SLC30A8: variants seen among roughly 807,000 people sequenced by gnomAD.
The protein encoded by SLC30A8 is proton-coupled zinc antiporter SLC30A8.
SLC30A8 carries 27 observed loss-of-function variants against 36.9 expected under a neutral mutation model. The observed-to-expected ratio is 0.73, with a 90% CI of 0.54 to 1.01. The LOEUF is 1.01. Ranked by LOEUF, SLC30A8 falls within the 50% of genes least tolerant of loss-of-function variation. The pLI is 0.00. For missense variants in SLC30A8, 439 were observed against 452.0 expected (o/e 0.97, Z 0.26); for synonymous variants, 164 against 172.4 (o/e 0.95, Z 0.38).
chr8:117,041,714 A>T (rs564796260), intron 2 of SLC30A8, among the ~76,000 whole-genome samples: 1 of 152,184 alleles, frequency 6.6e-6, no homozygotes, highest in East Asian at 1.9e-4. Context: ...AAAATAAAAA[A>T]AATTCTGATG....
In SLC30A8 at chr8:117,135,126, G is replaced by A; in HGVS notation, c.-202G>A. ...AGTTTTTGTAGGTGAAAACAATGAA[G>A]CCAGGTAATATTGCAAGGAGGCTGT... is the stretch of plus-strand genomic sequence containing the variant. On this transcript the variant is annotated 5_prime_UTR_variant, in exon 1 of 8. Transcript: ENST00000456015. The A allele has an allele frequency of 2.4e-6, 1 of 411,404 alleles. No homozygotes were observed. The highest frequency in any genetic ancestry group is 7.5e-5 in the South Asian group (1 of 13,422). 25.5% of individuals were successfully genotyped at this position (411,404 alleles called of 1,614,324 possible). A position where few individuals can be genotyped will look rare whatever the true frequency, so the allele number is the denominator to read the frequency against.
At chr8:117,073,165 A>G (rs1298736338) in intron 2 of SLC30A8, among the ~76,000 whole-genome samples, 1 of 152,154 alleles carries the variant, frequency 6.6e-6, no homozygotes, top group Non-Finnish European at 1.5e-5. Context: ...ATGCAATTCT[A>G]CATGCTTGAG....
At chr8:116,957,377 T>C (rs894775271) in intron 1 of SLC30A8, among the ~76,000 whole-genome samples, 1 of 152,124 alleles carries the variant, frequency 6.6e-6, no homozygotes, top group Non-Finnish European at 1.5e-5. Flanking sequence ...TTCAAGCGCT[T>C]TTTCTGTCTC....
chr8:116,951,030 C>T (rs1246149348), exon 1 of SLC30A8: 1 of 152,188 alleles, frequency 6.6e-6, no homozygotes, highest in Non-Finnish European at 1.5e-5. Flanking sequence ...ATGTCTCTCT[C>T]CCTAAGTAAG....
intron 2 of SLC30A8, among the ~76,000 whole-genome samples, chr8:117,047,509 TAC>T (rs1486355509): frequency 2.6e-5 from 4 of 152,088 alleles, no homozygotes; most frequent in African/African-American, 9.6e-5. Flanking sequence ...TATTATTGAG[TAC>T]AGTTTCAAGG....
chr8:117,136,207 G>A (rs1252404012), intron 1 of SLC30A8, among the ~76,000 whole-genome samples: 1 of 151,910 alleles, frequency 6.6e-6, no homozygotes, highest in South Asian at 2.1e-4. Flanking sequence ...ATTAAAGTAG[G>A]GTTAGGGATA....
chr8:117,129,828 G>C (rs541119756), intron 2 of SLC30A8: 3 of 151,928 alleles, frequency 2.0e-5, no homozygotes, highest in Non-Finnish European at 4.4e-5. Flanking sequence ...TTAAAAATCT[G>C]TTGCTAAATA....
intron 2 of SLC30A8, among the ~76,000 whole-genome samples, chr8:117,100,585 T>C (rs16889401): frequency 0.033 from 4,997 of 152,270 alleles, 191 homozygotes; most frequent in African/African-American, 0.097. Flanking sequence ...GTATGGCTAC[T>C]GGAGGCACTT....
intron 3 of SLC30A8, among the ~76,000 whole-genome samples, chr8:117,153,641 A>T (rs1822308300): frequency 7.5e-6 from 1 of 133,136 alleles, no homozygotes; most frequent in Non-Finnish European, 1.5e-5. Flanking sequence ...ATGAAAGTTT[A>T]CTTTTTCTCC....
At chr8:117,151,281 G>A (rs1158343462) in intron 2 of SLC30A8, among the ~76,000 whole-genome samples, 1 of 152,160 alleles carries the variant, frequency 6.6e-6, no homozygotes, top group Non-Finnish European at 1.5e-5. Flanking sequence ...TGTTAAACAA[G>A]GAGATCACTG....
chr8:117,048,509 C>T (rs7016437), intron 2 of SLC30A8, among the ~76,000 whole-genome samples: 18,137 of 152,156 alleles, frequency 0.12, 1,140 homozygotes, highest in East Asian at 0.14. Flanking sequence ...GTACCTATCA[C>T]GGTAAGCAAT....
chr8:117,137,607 C>T (rs1473586940), intron 1 of SLC30A8, among the ~76,000 whole-genome samples: 1 of 151,984 alleles, frequency 6.6e-6, no homozygotes, highest in Non-Finnish European at 1.5e-5. Flanking sequence ...TGGCTTCACT[C>T]ACATGACTGA....
chr8:117,107,528 A>G (rs1290025475), intron 2 of SLC30A8, among the ~76,000 whole-genome samples: 1 of 152,202 alleles, frequency 6.6e-6, no homozygotes, highest in Non-Finnish European at 1.5e-5. Context: ...TACCAGCTAG[A>G]AATGAGGATT....
intron 2 of SLC30A8, among the ~76,000 whole-genome samples, chr8:117,127,116 T>C (rs2130913991): frequency 6.6e-6 from 1 of 152,156 alleles, no homozygotes; most frequent in South Asian, 2.1e-4. Flanking sequence ...GGTTTTTGTT[T>C]ATGAGATTAT....
rs1822805541 is a variant in SLC30A8, at chr8:117,161,830, T to G, written c.665T>G (p.Leu222Arg). Residue 222 changes from leucine (L) to arginine (R), a missense_variant, in exon 5 of 8, where the codon CTT (leucine) becomes CGT (arginine). Physicochemically the swap from Leu to Arg is moderately radical, Grantham distance 102. Transcript: ENST00000456015. The stretch of plus-strand genomic sequence containing the variant: ...GTCAGAGCTGCTTTTGTGCATGCCC[T>G]TGGAGATCTATTTCAGAGTATCAGT... ...ASVRAAFVHA[L>R]GDLFQSISVL... 1 of 1,614,022 alleles carries G rather than the reference T, an allele frequency of 6.2e-7. No individual in the cohort carries two copies.
chr8:117,147,257 G>T, intron 2 of SLC30A8, 104 bp downstream of exon 2: 1 of 977,810 alleles, frequency 1.0e-6, no homozygotes, highest in Non-Finnish European at 1.5e-6. Flanking sequence ...AATATTTTCT[G>T]TAAGTATAAG....
intron 1 of SLC30A8, among the ~76,000 whole-genome samples, chr8:117,025,743 A>G (rs1221575581): frequency 6.6e-6 from 1 of 152,162 alleles, no homozygotes; most frequent in African/African-American, 2.4e-5. Flanking sequence ...TAAGCTTCCT[A>G]GTAGAGCTTT....
chr8:116,964,605 C>T (rs1175875897), intron 1 of SLC30A8, among the ~76,000 whole-genome samples: 1 of 152,184 alleles, frequency 6.6e-6, no homozygotes, highest in East Asian at 1.9e-4. Context: ...AACCCATTTC[C>T]TAGGTTTGAA....
chr8:116,973,678 G>A (rs1269918660), intron 1 of SLC30A8, among the ~76,000 whole-genome samples: 1 of 152,092 alleles, frequency 6.6e-6, no homozygotes. Context: ...CACAGAATCG[G>A]AAGAAACTAC....
Sources: gnomAD v4.1 joint callset for allele counts (sites outside exome capture counted in the v4.1 genomes callset) on GRCh38, gnomAD v4.1.1 for gene constraint, MANE v1.5 for transcripts, NCBI Gene and HGNC (gene_info 2026-07-23, HGNC 2026-07-21) for gene names.